Variants in DCC observed in about 807,000 individuals in gnomAD.
DCC encodes the protein netrin receptor DCC.
In DCC, 58 loss-of-function variants were observed where a neutral mutation model predicts 172.5. The observed-to-expected ratio is 0.34, with a 90% confidence interval of 0.27 to 0.42. The LOEUF (loss-of-function observed/expected upper bound fraction) is 0.42. Among genes scored for constraint, DCC ranks in the 10% least tolerant of loss-of-function variants. The pLI, the probability that DCC is intolerant of heterozygous loss-of-function variation, is 1.00. For missense variants in DCC, 1,740 were observed against 1,791.0 expected (o/e 0.97, Z 0.51); for synonymous variants, 709 against 644.5 (o/e 1.10, Z -1.52).
chr18:52,503,751 C>T (rs965005878), intron 1 of DCC, among the ~76,000 whole-genome samples: 6 of 152,068 alleles, frequency 3.9e-5, no homozygotes, highest in African/African-American at 1.4e-4. Flanking sequence ...CAAGAGAACC[C>T]TCTTGTTTCA....
At chr18:52,654,629 G>A (rs569972782) in intron 1 of DCC, among the ~76,000 whole-genome samples, 1 of 152,062 alleles carries the variant, frequency 6.6e-6, no homozygotes, top group African/African-American at 2.4e-5. Flanking sequence ...TTGGATTAAG[G>A]CTCACCCAAA....
chr18:52,993,631 A>G (rs1184189820), intron 5 of DCC, among the ~76,000 whole-genome samples: 3 of 152,116 alleles, frequency 2.0e-5, no homozygotes, highest in Admixed American at 6.6e-5. Context: ...TCAGACTTGG[A>G]CAGAGACAAA....
intron 7 of DCC, among the ~76,000 whole-genome samples, chr18:53,142,307 G>C (rs868022387): frequency 6.6e-6 from 1 of 152,202 alleles, no homozygotes; most frequent in African/African-American, 2.4e-5. Flanking sequence ...GCCTGTGTTT[G>C]GAAGTCGGGT....
intron 1 of DCC, among the ~76,000 whole-genome samples, chr18:52,413,575 C>T (rs910183027): frequency 7.4e-6 from 1 of 136,054 alleles, no homozygotes; most frequent in Non-Finnish European, 1.6e-5. Context: ...TTATTTTTAA[C>T]CCTATTAACA....
chr18:53,267,974 A>C (rs771939106), intron 12 of DCC, among the ~76,000 whole-genome samples: 3 of 152,222 alleles, frequency 2.0e-5, no homozygotes, highest in Non-Finnish European at 4.4e-5. Flanking sequence ...AGTCATAAAA[A>C]GTAAGCACTT....
At chr18:52,652,010 C>T (rs1028441897) in intron 1 of DCC, among the ~76,000 whole-genome samples, 1 of 152,140 alleles carries the variant, frequency 6.6e-6, no homozygotes, top group South Asian at 2.1e-4. Flanking sequence ...GAAAGTGCAA[C>T]GCAACTTGAG....
At chr18:53,334,085 A>G (rs1450236287) in intron 14 of DCC, among the ~76,000 whole-genome samples, 1 of 152,198 alleles carries the variant, frequency 6.6e-6, no homozygotes, top group Non-Finnish European at 1.5e-5. Context: ...TTAACTACAC[A>G]TTACAAATGT....
chr18:52,448,769 A>G (rs1269234212), intron 1 of DCC, among the ~76,000 whole-genome samples: 1 of 152,204 alleles, frequency 6.6e-6, no homozygotes, highest in Non-Finnish European at 1.5e-5. Flanking sequence ...GGAGTGAGTA[A>G]CACTTTGTAC....
At chr18:52,980,063 C>T (rs1401796747) in intron 5 of DCC, among the ~76,000 whole-genome samples, 1 of 152,124 alleles carries the variant, frequency 6.6e-6, no homozygotes, top group African/African-American at 2.4e-5. Context: ...CAATTATCTG[C>T]CCCCGCCACC....
chr18:53,230,524 C>T (rs1447356712), intron 12 of DCC, among the ~76,000 whole-genome samples: 1 of 151,906 alleles, frequency 6.6e-6, no homozygotes, highest in Admixed American at 6.6e-5. Context: ...TTTCTTGATT[C>T]ATTTAGTCAA....
chr18:53,299,999 G>A (rs1382007113), intron 12 of DCC, among the ~76,000 whole-genome samples: 3 of 152,160 alleles, frequency 2.0e-5, no homozygotes, highest in African/African-American at 7.2e-5. Flanking sequence ...TTAACAAATA[G>A]TAGTTAAGAG....
intron 2 of DCC, among the ~76,000 whole-genome samples, chr18:52,831,802 G>C (rs1349932232): frequency 6.6e-6 from 1 of 152,032 alleles, no homozygotes; most frequent in African/African-American, 2.4e-5. Flanking sequence ...TGGAAAATTT[G>C]GGTTGAATAT....
chr18:53,082,292 G>T (rs961954556), intron 7 of DCC, among the ~76,000 whole-genome samples: 5 of 152,002 alleles, frequency 3.3e-5, no homozygotes, highest in African/African-American at 9.7e-5. Context: ...AACAAAAATT[G>T]TTATATGGTT....
At chr18:52,810,892 C>T (rs1201362125) in intron 2 of DCC, among the ~76,000 whole-genome samples, 1 of 152,092 alleles carries the variant, frequency 6.6e-6, no homozygotes, top group Non-Finnish European at 1.5e-5. Flanking sequence ...CCCCAGTCTG[C>T]CTAGGTATTT....
At chr18:53,062,891 C>G (rs1317422876) in intron 5 of DCC, among the ~76,000 whole-genome samples, 1 of 152,126 alleles carries the variant, frequency 6.6e-6, no homozygotes, top group African/African-American at 2.4e-5. Flanking sequence ...TACAGGACAA[C>G]TGAGCTTTCT....
chr18:52,851,149 T>G (rs1216828301), intron 2 of DCC, among the ~76,000 whole-genome samples: 1 of 151,966 alleles, frequency 6.6e-6, no homozygotes, highest in Non-Finnish European at 1.5e-5. Flanking sequence ...CTCACCAAAA[T>G]ATTCTTCACA....
At chr18:53,442,854 C>T (rs1236872389) in intron 22 of DCC, among the ~76,000 whole-genome samples, 3 of 152,182 alleles carry the variant, frequency 2.0e-5, no homozygotes, top group African/African-American at 4.8e-5. Flanking sequence ...ATAAAACCAG[C>T]GACAACATTC....
At chr18:52,780,993 CAAG>C (rs1193034098) in intron 2 of DCC, among the ~76,000 whole-genome samples, 7 of 151,708 alleles carry the variant, frequency 4.6e-5, no homozygotes, top group African/African-American at 1.7e-4. Flanking sequence ...GACAGATTAA[CAAG>C]AAAAAAAGCA....
intron 1 of DCC, among the ~76,000 whole-genome samples, chr18:52,683,930 T>G (rs998689639): frequency 6.6e-6 from 1 of 152,090 alleles, no homozygotes; most frequent in African/African-American, 2.4e-5. Flanking sequence ...TATGGATGCA[T>G]TTGAATAAAA....
Sources: allele counts gnomAD v4.1 joint callset (sites outside exome capture counted in the v4.1 genomes callset), GRCh38; gene constraint gnomAD v4.1.1; transcripts MANE v1.5; gene names NCBI Gene and HGNC (gene_info 2026-07-23, HGNC 2026-07-21).